Variants in RGS7 observed in about 807,000 individuals in gnomAD.
The protein encoded by RGS7 is regulator of G-protein signaling 7.
RGS7 carries 27 observed loss-of-function variants against 81.1 expected under a neutral mutation model. That is an observed-to-expected ratio of 0.33 (90% CI 0.25 to 0.46). The LOEUF (loss-of-function observed/expected upper bound fraction) is 0.46. RGS7 is among the 20% of genes least tolerant of loss of function. RGS7 has a pLI of 1.00. For missense variants in RGS7, 396 were observed against 607.4 expected (o/e 0.65, Z 3.66); for synonymous variants, 208 against 207.7 (o/e 1.00, Z -0.01).
At chr1:241,293,483 T>A (rs1462416520) in intron 2 of RGS7, among the ~76,000 whole-genome samples, 3 of 152,096 alleles carry the variant, frequency 2.0e-5, no homozygotes, top group Non-Finnish European at 4.4e-5. Context: ...TATTACTGCC[T>A]CTGAAGACCT....
chr1:240,806,568 T>TA (rs71568969), intron 14 of RGS7, among the ~76,000 whole-genome samples: 3 of 148,728 alleles, frequency 2.0e-5, no homozygotes, highest in Non-Finnish European at 3.0e-5. Context: ...AAAATATAAA[T>TA]AAAAAATATT....
At chr1:241,303,200 TGA>T (rs2079879158) in intron 2 of RGS7, among the ~76,000 whole-genome samples, 1 of 149,248 alleles carries the variant, frequency 6.7e-6, no homozygotes, top group South Asian at 2.1e-4. Flanking sequence ...TGGTGGGAGG[TGA>T]TTGGTCCATG....
intron 2 of RGS7, among the ~76,000 whole-genome samples, chr1:241,221,241 C>T (rs906468956): frequency 6.6e-6 from 1 of 152,100 alleles, no homozygotes; most frequent in Non-Finnish European, 1.5e-5. Context: ...AAAAATTAGA[C>T]AAAGATTAGG....
Position 240,970,964 on chromosome 1 carries a change from G to A in RGS7, c.226+12115C>T, listed in dbSNP as rs112913200. 6.4e-3 allele frequency among the ~76,000 whole-genome samples: 976 copies of A among 152,216 alleles called. 13 individuals are homozygous for A. The highest frequency in any genetic ancestry group is 0.022 in the African/African-American group (932 of 41,506). ...GCTGCACTCCAGCCTGCATGATACA[G>A]GGAGATTCCGTCTCAAAACAAAATA... On this transcript the variant is annotated intron_variant, in intron 4 of 18. Coordinates refer to ENST00000440928, the MANE Select transcript of RGS7 (RefSeq NM_001364886.1).
chr1:241,202,759 G>A (rs1421022429), intron 2 of RGS7, among the ~76,000 whole-genome samples: 2 of 151,836 alleles, frequency 1.3e-5, no homozygotes, highest in Admixed American at 6.6e-5. Flanking sequence ...CAGAAGTGGG[G>A]AGGAGTGTAG....
intron 2 of RGS7, among the ~76,000 whole-genome samples, chr1:241,161,239 G>A (rs2069631453): frequency 6.6e-6 from 1 of 152,104 alleles, no homozygotes; most frequent in South Asian, 2.1e-4. Flanking sequence ...GTATCCAAAA[G>A]TAGCCATCAG....
At chr1:241,320,023 G>A (rs762940172) in intron 2 of RGS7, among the ~76,000 whole-genome samples, 15 of 152,180 alleles carry the variant, frequency 9.9e-5, no homozygotes, top group East Asian at 5.8e-4. Flanking sequence ...CCCGGGAGGC[G>A]GAGGTTGCAG....
At chr1:240,897,653 G>A (rs1359837621) in intron 6 of RGS7, among the ~76,000 whole-genome samples, 1 of 152,164 alleles carries the variant, frequency 6.6e-6, no homozygotes, top group Non-Finnish European at 1.5e-5. Flanking sequence ...TGGTGGATAA[G>A]CTTTTTGATG....
intron 2 of RGS7, among the ~76,000 whole-genome samples, chr1:241,207,515 A>G (rs533931180): frequency 3.4e-4 from 52 of 152,180 alleles, no homozygotes; most frequent in African/African-American, 1.3e-3. Context: ...GTCTTCATGC[A>G]GCCCACATTT....
intron 4 of RGS7, among the ~76,000 whole-genome samples, chr1:240,974,703 C>T (rs1441371889): frequency 1.3e-5 from 2 of 152,154 alleles, no homozygotes; most frequent in Admixed American, 1.3e-4. Flanking sequence ...GGAAGAAAGG[C>T]TCATGGAATA....
intron 6 of RGS7, among the ~76,000 whole-genome samples, chr1:240,917,721 C>T (rs1355552887): frequency 1.3e-5 from 2 of 152,104 alleles, no homozygotes; most frequent in Non-Finnish European, 2.9e-5. Flanking sequence ...TAATATAAAA[C>T]AGTTATAAAC....
rs1163792972 is a variant in RGS7, at chr1:241,329,537, GTTC to G, written c.78+26159_78+26161del. 2.0e-5 allele frequency among the ~76,000 whole-genome samples: 3 copies of G among 152,202 alleles called. 1 individual carries two copies. Among genetic ancestry groups the G allele is most frequent in the Admixed American group, 1.3e-4 (2 of 15,282 alleles). On this transcript the variant is annotated intron_variant, in intron 2 of 18. Transcript: ENST00000440928. ...TTCCAGCATTACCCTACACAAAAGA[GTTC>G]TTCTTGTGATAATGCAATGAAGCGC...
intron 3 of RGS7, among the ~76,000 whole-genome samples, chr1:241,075,872 T>C (rs529185854): frequency 3.3e-5 from 5 of 152,358 alleles, no homozygotes; most frequent in Admixed American, 3.3e-4. Context: ...GGAGTGAAAG[T>C]GACCAGGTGC....
chr1:241,195,761 T>C (rs1320496903), intron 2 of RGS7, among the ~76,000 whole-genome samples: 1 of 144,938 alleles, frequency 6.9e-6, no homozygotes, highest in Non-Finnish European at 1.5e-5. Flanking sequence ...AATAGTGAAT[T>C]GGAAGATAGG....
At chr1:241,028,926 T>C (rs1315293924) in intron 3 of RGS7, among the ~76,000 whole-genome samples, 1 of 152,090 alleles carries the variant, frequency 6.6e-6, no homozygotes, top group Non-Finnish European at 1.5e-5. Context: ...AGAAAGGGCT[T>C]CAAAAGATAC....
chr1:241,247,799 A>G (rs1431769480), intron 2 of RGS7, among the ~76,000 whole-genome samples: 1 of 152,236 alleles, frequency 6.6e-6, no homozygotes, highest in African/African-American at 2.4e-5. Context: ...TGGAATTAAA[A>G]ATGAATGTAT....
At chr1:241,055,134 C>T (rs114148023) in intron 3 of RGS7, among the ~76,000 whole-genome samples, 1,596 of 152,230 alleles carry the variant, frequency 0.01, 24 homozygotes, top group African/African-American at 0.037. Flanking sequence ...ATAGGAAAAA[C>T]CAACACCACT....
At chr1:241,170,637 G>A (rs1414723699) in intron 2 of RGS7, among the ~76,000 whole-genome samples, 1 of 152,202 alleles carries the variant, frequency 6.6e-6, no homozygotes, top group Non-Finnish European at 1.5e-5. Flanking sequence ...CAGACTGGCA[G>A]AGCAATGATG....
intron 3 of RGS7, among the ~76,000 whole-genome samples, chr1:241,015,029 C>G (rs2059153127): frequency 6.6e-6 from 1 of 152,178 alleles, no homozygotes; most frequent in African/African-American, 2.4e-5. Context: ...CAGAAAACCC[C>G]TTCAGTCTCC....
Sources: allele counts gnomAD v4.1 joint callset (sites outside exome capture counted in the v4.1 genomes callset), GRCh38; gene constraint gnomAD v4.1.1; transcripts MANE v1.5; gene names NCBI Gene and HGNC (gene_info 2026-07-23, HGNC 2026-07-21).